The following CISD1 variants were observed in gnomAD, a reference collection of about 807,000 sequenced individuals.
CISD1 encodes the protein CDGSH iron-sulfur domain-containing protein 1.
A neutral mutation model predicts 12.0 loss-of-function variants in CISD1; 8 were observed. The observed-to-expected ratio is 0.67, with a 90% confidence interval of 0.39 to 1.20. The LOEUF is 1.20. Among genes scored for constraint, CISD1 ranks in the 50% most tolerant of loss-of-function variants. The pLI, the probability that CISD1 is intolerant of heterozygous loss-of-function variation, is 0.01. For synonymous variants in CISD1, 38 were observed against 42.2 expected, an observed-to-expected ratio of 0.90 and a Z score of 0.39; for missense variants, 107 against 132.7, an observed-to-expected ratio of 0.81 and a Z score of 0.95.
rs371225181 is a variant in CISD1, at chr10:58,287,672, A to T, written c.*22A>T. 1.3e-6 allele frequency: 2 copies of T among 1,520,024 alleles called. No homozygotes were observed. The highest frequency in any genetic ancestry group is 2.8e-5 in the African/African-American group (2 of 72,680). The allele number at this position is 1,520,024 out of a possible 1,614,324, so 94.2% of individuals were successfully genotyped here. A position where few individuals can be genotyped will look rare whatever the true frequency, so the allele number is the denominator to read the frequency against. On this transcript the variant is annotated 3_prime_UTR_variant, in exon 3 of 3. Transcript: ENST00000333926. The stretch of plus-strand genomic sequence containing the variant: ...TTAAATGGACACTTTTGATGCTGCA[A>T]ATCAGCTTGTCGTGAAGTTACCTGA...
chr10:58,271,078 C>T (rs1228916557), intron 1 of CISD1, among the ~76,000 whole-genome samples: 5 of 141,612 alleles, frequency 3.5e-5, no homozygotes, highest in African/African-American at 8.6e-5. Flanking sequence ...CTCGCTCTGT[C>T]GCCCAGGCTG....
chr10:58,269,203 T>C lies in CISD1; in HGVS notation c.-71T>C, dbSNP rs1026162497. On this transcript the variant is annotated 5_prime_UTR_variant, in exon 1 of 3. Transcript: ENST00000333926. ...TGCTTTAGTACGCCGCTGGCACCTT[T>C]ACTCTCGCCGGCCGCGCGAACCCGT... is the stretch of plus-strand genomic sequence containing the variant. The C allele has an allele frequency of 2.6e-6, 4 of 1,528,120 alleles. No homozygotes were observed. The highest frequency in any genetic ancestry group is 1.4e-5 in the African/African-American group (1 of 73,558). The allele number at this position is 1,528,120 out of a possible 1,614,324, so 94.7% of individuals were successfully genotyped here.
chr10:58,277,620 A>G (rs1839330002), intron 2 of CISD1, among the ~76,000 whole-genome samples: 1 of 148,162 alleles, frequency 6.7e-6, no homozygotes, highest in South Asian at 2.1e-4. Flanking sequence ...TTTTTTTTTT[A>G]ATGAATCCTA....
At chr10:58,272,893 T>G (rs1205853158) in intron 1 of CISD1, among the ~76,000 whole-genome samples, 1 of 152,110 alleles carries the variant, frequency 6.6e-6, no homozygotes, top group Non-Finnish European at 1.5e-5. Context: ...CACTCCAGCC[T>G]GGGCAACAGT....
At chr10:58,284,991 A>C (rs1839413497) in intron 2 of CISD1, among the ~76,000 whole-genome samples, 1 of 152,194 alleles carries the variant, frequency 6.6e-6, no homozygotes, top group African/African-American at 2.4e-5. Context: ...GTCACTTTGA[A>C]ATGCTGTACT....
At chr10:58,284,750 A>G (rs1352929478) in intron 2 of CISD1, among the ~76,000 whole-genome samples, 1 of 152,210 alleles carries the variant, frequency 6.6e-6, no homozygotes, top group Non-Finnish European at 1.5e-5. Flanking sequence ...ATGGAGGAAA[A>G]TAATTTGAGA....
At chr10:58,269,499 ATGG>A (rs1839216317) in intron 1 of CISD1, among the ~76,000 whole-genome samples, 195 bp downstream of exon 1, 1 of 152,116 alleles carries the variant, frequency 6.6e-6, no homozygotes, top group Non-Finnish European at 1.5e-5. Context: ...GGATGGATTG[ATGG>A]TTTGGGGCCA....
intron 2 of CISD1, among the ~76,000 whole-genome samples, chr10:58,277,671 T>C (rs896663441): frequency 3.9e-5 from 6 of 152,098 alleles, no homozygotes; most frequent in African/African-American, 1.4e-4. Context: ...AAATATATTT[T>C]CTAAAATATC....
At position 58,275,835 on chromosome 10, in the gene CISD1, T is replaced by G. The variant is rs151258121; in HGVS notation, c.32-1282T>G. On this transcript the variant is annotated intron_variant, in intron 1 of 2. Transcript: ENST00000333926. ...CCAAGATACAAGAGACTGAGAATGA[T>G]CCTTTATATTACAGTTTTAGAAGAT... 1.5e-4 allele frequency among the ~76,000 whole-genome samples: 23 copies of G among 152,312 alleles called. No homozygotes were observed. In the East Asian group the frequency reaches 3.7e-3, roughly 24 times the overall value.
In CISD1 at chr10:58,289,246, T is replaced by C. The variant is rs1479953905; in HGVS notation, c.*1596T>C. ...ATGAACTGTTTTAAAGAAAAATAAA[T>C]GCATCAACTCCCAGTGTTTCTGATA... On this transcript the variant is annotated 3_prime_UTR_variant, in exon 3 of 3. Transcript: ENST00000333926. 1.3e-5 allele frequency: 2 copies of C among 152,212 alleles called. No individual in the cohort carries two copies. Among genetic ancestry groups the C allele is most frequent in the East Asian group, 3.7e-4 (2 of 5,338 alleles). The allele number at this position is 152,212 out of a possible 1,614,324, so 9.4% of individuals were successfully genotyped here.
intron 1 of CISD1, among the ~76,000 whole-genome samples, chr10:58,274,590 C>T (rs986901924): frequency 5.9e-5 from 9 of 151,430 alleles, no homozygotes; most frequent in African/African-American, 1.9e-4. Flanking sequence ...AGCTATTTTC[C>T]TCGAACACAT....
At chr10:58,286,137 G>A (rs558479186) in intron 2 of CISD1, among the ~76,000 whole-genome samples, 3 of 151,322 alleles carry the variant, frequency 2.0e-5, no homozygotes, top group Admixed American at 1.3e-4. Flanking sequence ...CCCAGGAGGC[G>A]GAGCTTGCAG....
chr10:58,275,407 A>C (rs1203638362), intron 1 of CISD1, among the ~76,000 whole-genome samples: 1 of 152,216 alleles, frequency 6.6e-6, no homozygotes, highest in Non-Finnish European at 1.5e-5. Flanking sequence ...TGGAATAACC[A>C]CAGGGTAATA....
At chr10:58,286,995 C>G (rs1398340883) in intron 2 of CISD1, among the ~76,000 whole-genome samples, 2 of 152,112 alleles carry the variant, frequency 1.3e-5, no homozygotes, top group African/African-American at 4.8e-5. Flanking sequence ...TGCAGTGGCA[C>G]AATCTCGGCT....
chr10:58,286,309 A>G (rs567759835), intron 2 of CISD1, among the ~76,000 whole-genome samples: 3 of 152,312 alleles, frequency 2.0e-5, no homozygotes, highest in African/African-American at 2.4e-5. Context: ...AGGCCGATCA[A>G]CGTAACATAG....
At chr10:58,286,223 A>T (rs1234281027) in intron 2 of CISD1, among the ~76,000 whole-genome samples, 1 of 151,198 alleles carries the variant, frequency 6.6e-6, no homozygotes, top group Non-Finnish European at 1.5e-5. Flanking sequence ...AAAAAAAAGT[A>T]AAAAAAAGAA....
At position 58,289,275 on chromosome 10, in the gene CISD1, G is replaced by A. The variant is rs1839463423; in HGVS notation, c.*1625G>A. ...TCAACTCCCAGTGTTTCTGATAAAG[G>A]GACATCCTTCTAACTTAACAGACTA... On this transcript the variant is annotated 3_prime_UTR_variant, in exon 3 of 3. Coordinates refer to ENST00000333926, the MANE Select transcript of CISD1 (RefSeq NM_018464.5). 6.6e-6 allele frequency: 1 copy of A among 152,006 alleles called. No individual in the cohort carries two copies. The highest frequency in any genetic ancestry group is 2.1e-4 in the South Asian group (1 of 4,822). 9.4% of individuals were successfully genotyped at this position (152,006 alleles called of 1,614,324 possible).
In CISD1 at chr10:58,287,736, C is replaced by A; in HGVS notation, c.*86C>A. ...ATGACTACCACCTCTGTCTGATTCA[C>A]CTTCGCTGGATTCTAAATGTGGTAT... On this transcript the variant is annotated 3_prime_UTR_variant, in exon 3 of 3. Transcript: ENST00000333926. 1.3e-6 allele frequency: 1 copy of A among 770,132 alleles called. No homozygotes were observed. The highest frequency in any genetic ancestry group is 2.1e-6 in the Non-Finnish European group (1 of 481,462). 47.7% of individuals were successfully genotyped at this position (770,132 alleles called of 1,614,324 possible).
At position 58,269,198 on chromosome 10, in the gene CISD1, A is replaced by T; in HGVS notation, c.-76A>T. On this transcript the variant is annotated 5_prime_UTR_variant, in exon 1 of 3. Coordinates refer to ENST00000333926, the MANE Select transcript of CISD1 (RefSeq NM_018464.5). Reference sequence around the variant, plus strand: ...GTCGGTGCTTTAGTACGCCGCTGGCACCTTTACTCTCGCCGGCCGCGCGAA... The same window carrying T: ...GTCGGTGCTTTAGTACGCCGCTGGCTCCTTTACTCTCGCCGGCCGCGCGAA... The T allele has an allele frequency of 6.7e-7, 1 of 1,489,056 alleles. No homozygotes were observed. Among genetic ancestry groups the T allele is most frequent in the Non-Finnish European group, 9.3e-7 (1 of 1,079,362 alleles). 92.2% of individuals were successfully genotyped at this position (1,489,056 alleles called of 1,614,324 possible). A position where few individuals can be genotyped will look rare whatever the true frequency, so the allele number is the denominator to read the frequency against.
Sources: allele counts gnomAD v4.1 joint callset (sites outside exome capture counted in the v4.1 genomes callset), GRCh38; gene constraint gnomAD v4.1.1; transcripts MANE v1.5; gene names NCBI Gene and HGNC (gene_info 2026-07-23, HGNC 2026-07-21).